ENOSF1: variants seen among roughly 807,000 people sequenced by gnomAD.
ENOSF1 encodes the protein mitochondrial enolase superfamily member 1.
A neutral mutation model predicts 68.2 loss-of-function variants in ENOSF1; 73 were observed. The ratio of observed to expected loss-of-function variants is 1.07; its 90% confidence interval spans 0.89 to 1.30. The LOEUF is 1.30. Among genes scored for constraint, ENOSF1 ranks in the 50% most tolerant of loss-of-function variants. The pLI is 0.00. For synonymous variants in ENOSF1, 223 were observed against 210.4 expected, an observed-to-expected ratio of 1.06 and a Z score of -0.52; for missense variants, 589 against 554.5, an observed-to-expected ratio of 1.06 and a Z score of -0.62.
At chr18:708,474 T>C (rs1177183557) in intron 1 of ENOSF1, among the ~76,000 whole-genome samples, 1 of 151,976 alleles carries the variant, frequency 6.6e-6, no homozygotes, top group Non-Finnish European at 1.5e-5. Context: ...AGTTCGAGAC[T>C]AGCCTGGGCA....
chr18:683,701 G>A (rs535025615), intron 10 of ENOSF1, among the ~76,000 whole-genome samples: 9 of 152,244 alleles, frequency 5.9e-5, no homozygotes, highest in Non-Finnish European at 1.0e-4. Context: ...CCATCTAGAT[G>A]CCACCCAAAT....
rs769382576 is a variant in ENOSF1, at chr18:677,750, C to T, written c.1041G>A (p.Lys347=). The T allele has an allele frequency of 2.5e-6, 4 of 1,612,726 alleles. No individual in the cohort carries two copies. The highest frequency in any genetic ancestry group is 1.7e-4 in the Middle Eastern group (1 of 5,984). ...ENLSVLLMAK[K]FEIPVCPHAG... ...CCGCTGCAGCACGCTTACTTTCAAA[C>T]TTTTTGGCCATCAGCAATACTGAGA... The change falls in exon 13 of 16, where the codon AAG becomes AAA. Residue 347 remains lysine (K), a synonymous_variant. Transcript: ENST00000647584.
chr18:694,374 GAA>G (rs757341799), intron 3 of ENOSF1, 40 bp from the exon 4 acceptor site: 2 of 1,584,438 alleles, frequency 1.3e-6, no homozygotes, highest in African/African-American at 2.7e-5. Flanking sequence ...TTTTAGAAAT[GAA>G]AAAGAGGGCT....
chr18:703,793 G>A (rs2078630443), intron 2 of ENOSF1, among the ~76,000 whole-genome samples: 1 of 152,170 alleles, frequency 6.6e-6, no homozygotes, highest in African/African-American at 2.4e-5. Context: ...CCGCAGTGTT[G>A]GAGGTGGGGC....
intron 10 of ENOSF1, 115 bp from the exon 11 acceptor site, chr18:683,495 C>G: frequency 8.1e-7 from 1 of 1,241,280 alleles, no homozygotes; most frequent in Admixed American, 2.1e-5. Context: ...GAGTGAGACC[C>G]CCTAACGCCT....
At position 671,309 on chromosome 18, in the gene ENOSF1, T is replaced by C. The variant is rs1598480789; in HGVS notation, c.*2996A>G. On this transcript the variant is annotated 3_prime_UTR_variant, in exon 16 of 16. Coordinates refer to ENST00000647584, the MANE Select transcript of ENOSF1 (RefSeq NM_017512.7). ...AAAGCCTTGCGGTGTCTGCATATTC[T>C]AATGTTTTTAAATGATGTTTTAAAG... 9.8e-7 allele frequency: 1 copy of C among 1,024,530 alleles called. No individual in the cohort carries two copies. Among genetic ancestry groups the C allele is most frequent in the East Asian group, 2.4e-5 (1 of 42,258 alleles). The allele number at this position is 1,024,530 out of a possible 1,614,324, so 63.5% of individuals were successfully genotyped here.
chr18:664,996 C>T, the ENOSF1 span, among the ~76,000 whole-genome samples: 1 of 151,240 alleles, frequency 6.6e-6, no homozygotes, highest in Non-Finnish European at 1.5e-5. Context: ...GGTTGTGTCT[C>T]TGCCCAGCTT....
At position 673,089 on chromosome 18, in the gene ENOSF1, G is replaced by C; in HGVS notation, c.*1216C>G. On this transcript the variant is annotated 3_prime_UTR_variant, in exon 16 of 16. Transcript: ENST00000647584. ...AGTTCTTTTTGCTCTAAAAGAAAAA[G>C]GAACTAGGTCAAAAATCTGTCCGTG... The C allele has an allele frequency of 7.4e-7, 1 of 1,354,050 alleles. No individual in the cohort carries two copies. The highest frequency in any genetic ancestry group is 2.3e-5 in the East Asian group (1 of 42,840). The allele number at this position is 1,354,050 out of a possible 1,614,324, so 83.9% of individuals were successfully genotyped here.
chr18:699,227 T>G (rs924595535), intron 2 of ENOSF1, among the ~76,000 whole-genome samples: 3 of 152,008 alleles, frequency 2.0e-5, no homozygotes, highest in African/African-American at 7.2e-5. Flanking sequence ...TTTGGGAGGC[T>G]GAGGTGGGTG....
chr18:690,922 C>CAT lies in ENOSF1; in HGVS notation c.535+145_535+146insAT, dbSNP rs1269284549. On this transcript the variant is annotated intron_variant, in intron 7 of 15. Coordinates refer to ENST00000647584, the MANE Select transcript of ENOSF1 (RefSeq NM_017512.7). ...GTCAGAGGTCATACCCAGCAGGCTT[C>CAT]ACCATGCAGACTTGAATGTTGATTT... 4.6e-5 allele frequency: 54 copies of CAT among 1,185,136 alleles called. 1 individual carries two copies. The highest frequency in any genetic ancestry group is 4.5e-4 in the South Asian group (30 of 66,258). 73.4% of individuals were successfully genotyped at this position (1,185,136 alleles called of 1,614,324 possible). A position where few individuals can be genotyped will look rare whatever the true frequency, so the allele number is the denominator to read the frequency against.
At chr18:688,933 C>T (rs1303202007) in intron 8 of ENOSF1, among the ~76,000 whole-genome samples, 1 of 152,118 alleles carries the variant, frequency 6.6e-6, no homozygotes, top group East Asian at 1.9e-4. Context: ...ATAAGAGTAA[C>T]ATGCAGAAGC....
intron 2 of ENOSF1, among the ~76,000 whole-genome samples, chr18:706,134 G>A (rs866351488): frequency 1.3e-5 from 2 of 152,060 alleles, no homozygotes; most frequent in Non-Finnish European, 2.9e-5. Context: ...CCCACTACAG[G>A]TTGTCAAAGC....
chr18:694,824 A>ATG (rs2077556772), intron 3 of ENOSF1, among the ~76,000 whole-genome samples: 1 of 152,070 alleles, frequency 6.6e-6, no homozygotes, highest in Non-Finnish European at 1.5e-5. Context: ...CTCTCTATAT[A>ATG]TATGTTAAGT....
chr18:671,647 C>T lies in ENOSF1; in HGVS notation c.*2658G>A. 1.6e-6 allele frequency: 1 copy of T among 612,846 alleles called. No homozygotes were observed. Among genetic ancestry groups the T allele is most frequent in the East Asian group, 2.8e-5 (1 of 35,322 alleles). 38.0% of individuals were successfully genotyped at this position (612,846 alleles called of 1,614,324 possible). The stretch of plus-strand genomic sequence containing the variant: ...TGCCTCAGCAACCATGGGCACTTAA[C>T]ATGTCAGGTGCTGTGAGGTACTAAG... On this transcript the variant is annotated 3_prime_UTR_variant, in exon 16 of 16. Coordinates refer to ENST00000647584, the MANE Select transcript of ENOSF1 (RefSeq NM_017512.7).
chr18:693,281 C>T, intron 5 of ENOSF1: 1 of 1,274,482 alleles, frequency 7.8e-7, no homozygotes, highest in Admixed American at 2.4e-5. Context: ...GCTACAATGG[C>T]CTGATCTTAT....
the ENOSF1 span, among the ~76,000 whole-genome samples, chr18:664,235 C>A: frequency 6.6e-6 from 1 of 151,948 alleles, no homozygotes; most frequent in East Asian, 1.9e-4. Context: ...TCCTTCACAT[C>A]CCTTTTAAGG....
downstream of ENOSF1, chr18:668,953 G>A (rs1359757155): frequency 1.4e-6 from 1 of 728,268 alleles, no homozygotes; most frequent in African/African-American, 1.8e-5. Flanking sequence ...CAGATGTCTT[G>A]TAGCCATGGG....
intron 10 of ENOSF1, among the ~76,000 whole-genome samples, chr18:684,246 C>A (rs1029519124): frequency 6.6e-6 from 1 of 152,048 alleles, no homozygotes; most frequent in Non-Finnish European, 1.5e-5. Context: ...CCGCCCGCCT[C>A]GGCCTCCCAA....
downstream of ENOSF1, among the ~76,000 whole-genome samples, chr18:666,473 C>T (rs940084095): frequency 1.3e-5 from 2 of 152,168 alleles, no homozygotes; most frequent in Non-Finnish European, 2.9e-5. Context: ...TCACCTCTTA[C>T]TGGATGTCAC....
Sources: allele counts gnomAD v4.1 joint callset (sites outside exome capture counted in the v4.1 genomes callset), GRCh38; gene constraint gnomAD v4.1.1; transcripts MANE v1.5; gene names NCBI Gene and HGNC (gene_info 2026-07-23, HGNC 2026-07-21).